The following LHFPL6 variants were observed in gnomAD, a reference collection of about 807,000 sequenced individuals.
The protein encoded by LHFPL6 is LHFPL tetraspan subfamily member 6 protein.
LHFPL6 carries 9 observed loss-of-function variants against 20.6 expected under a neutral mutation model. The ratio of observed to expected loss-of-function variants is 0.44; its 90% CI spans 0.26 to 0.76. LHFPL6 has a LOEUF of 0.76. LHFPL6 is among the 30% of genes least tolerant of loss of function. The probability of loss-of-function intolerance (pLI) is 0.20; values close to 1 mark genes in which losing one functional copy is unlikely to be tolerated. For synonymous variants in LHFPL6, 105 were observed against 98.7 expected, an observed-to-expected ratio of 1.06 and a Z score of -0.38; for missense variants, 218 against 253.5, an observed-to-expected ratio of 0.86 and a Z score of 0.95.
At chr13:39,492,773 T>C (rs534937110) in intron 2 of LHFPL6, among the ~76,000 whole-genome samples, 8 of 152,054 alleles carry the variant, frequency 5.3e-5, no homozygotes, top group Non-Finnish European at 1.2e-4. Flanking sequence ...CTCTGCCTCC[T>C]GGGTTCAAGT....
chr13:39,575,170 A>G (rs2138534225), intron 2 of LHFPL6, among the ~76,000 whole-genome samples: 1 of 152,284 alleles, frequency 6.6e-6, no homozygotes, highest in Non-Finnish European at 1.5e-5. Context: ...TGAAAACACA[A>G]TGATGACCAC....
At chr13:39,513,228 A>G (rs1205029775) in intron 2 of LHFPL6, among the ~76,000 whole-genome samples, 1 of 152,212 alleles carries the variant, frequency 6.6e-6, no homozygotes, top group East Asian at 1.9e-4. Flanking sequence ...TGTTCTTTTA[A>G]AACAGTTAAA....
intron 2 of LHFPL6, among the ~76,000 whole-genome samples, chr13:39,464,576 G>T (rs1020806386): frequency 6.6e-6 from 1 of 152,040 alleles, no homozygotes; most frequent in Non-Finnish European, 1.5e-5. Flanking sequence ...GCTCAAATCC[G>T]CACTTCTTTT....
intron 2 of LHFPL6, among the ~76,000 whole-genome samples, chr13:39,587,083 G>T (rs182190398): frequency 2.0e-4 from 31 of 152,068 alleles, no homozygotes; most frequent in Non-Finnish European, 4.0e-4. Context: ...CTTTAACCCA[G>T]GTGGCAGAGG....
chr13:39,494,248 A>C (rs1036307627), intron 2 of LHFPL6, among the ~76,000 whole-genome samples: 1 of 152,252 alleles, frequency 6.6e-6, no homozygotes, highest in African/African-American at 2.4e-5. Flanking sequence ...CATTTGCAGG[A>C]CTATTGCTAG....
At chr13:39,472,890 C>T (rs1434681817) in intron 2 of LHFPL6, among the ~76,000 whole-genome samples, 2 of 152,188 alleles carry the variant, frequency 1.3e-5, no homozygotes, top group African/African-American at 4.8e-5. Context: ...GGATTACAGG[C>T]GTGAGCCACC....
intron 2 of LHFPL6, among the ~76,000 whole-genome samples, chr13:39,581,770 A>C (rs967188329): frequency 6.6e-6 from 1 of 152,154 alleles, no homozygotes; most frequent in Non-Finnish European, 1.5e-5. Context: ...CTTCTCCATC[A>C]TCCTGGTCCA....
chr13:39,379,193 T>C (rs1566097843), intron 2 of LHFPL6, among the ~76,000 whole-genome samples: 1 of 152,244 alleles, frequency 6.6e-6, no homozygotes, highest in Non-Finnish European at 1.5e-5. Context: ...TGGTTTTCTC[T>C]TAATATAGAT....
intron 3 of LHFPL6, among the ~76,000 whole-genome samples, chr13:39,364,872 A>G (rs1301209564): frequency 6.6e-6 from 1 of 152,130 alleles, no homozygotes; most frequent in Non-Finnish European, 1.5e-5. Context: ...GCTGCTATCA[A>G]TCCTTGCTTC....
intron 3 of LHFPL6, among the ~76,000 whole-genome samples, chr13:39,346,497 C>A (rs1478143750): frequency 1.3e-5 from 2 of 152,156 alleles, no homozygotes; most frequent in African/African-American, 4.8e-5. Context: ...TCATTCTCAT[C>A]TTTCAGAAGG....
At chr13:39,396,308 A>G (rs758716536) in intron 2 of LHFPL6, among the ~76,000 whole-genome samples, 20 of 151,948 alleles carry the variant, frequency 1.3e-4, no homozygotes, top group African/African-American at 4.8e-4. Context: ...AATTTTGAAA[A>G]CTATCCTAAC....
chr13:39,566,731 T>TAAAAAAA (rs3035077), intron 2 of LHFPL6, among the ~76,000 whole-genome samples: 2 of 70,088 alleles, frequency 2.9e-5, no homozygotes, highest in Non-Finnish European at 5.1e-5. Flanking sequence ...AGACCCTGTC[T>TAAAAAAA]AAAAAAAAAA....
chr13:39,356,338 CAACAT>C (rs1869726281), intron 3 of LHFPL6, among the ~76,000 whole-genome samples: 1 of 152,032 alleles, frequency 6.6e-6, no homozygotes, highest in African/African-American at 2.4e-5. Context: ...AACAGAGACA[CAACAT>C]AACAAAATAT....
chr13:39,472,751 GAC>G (rs1872978823), intron 2 of LHFPL6, among the ~76,000 whole-genome samples: 1 of 151,992 alleles, frequency 6.6e-6, no homozygotes, highest in African/African-American at 2.4e-5. Context: ...TGGGATTACA[GAC>G]ACCCGACACC....
chr13:39,521,170 C>T (rs144835838), intron 2 of LHFPL6, among the ~76,000 whole-genome samples: 17 of 152,026 alleles, frequency 1.1e-4, no homozygotes, highest in African/African-American at 3.9e-4. Flanking sequence ...CAGATCATTC[C>T]GACAAATCAG....
intron 2 of LHFPL6, among the ~76,000 whole-genome samples, chr13:39,536,939 C>T (rs1331826993): frequency 6.6e-6 from 1 of 152,172 alleles, no homozygotes; most frequent in African/African-American, 2.4e-5. Context: ...CCTCTCTGTA[C>T]CTATTCTAAT....
chr13:39,439,094 T>C (rs887831790), intron 2 of LHFPL6, among the ~76,000 whole-genome samples: 9 of 152,084 alleles, frequency 5.9e-5, no homozygotes, highest in African/African-American at 2.2e-4. Flanking sequence ...CCACAAAGAC[T>C]CAATGGCAAA....
At chr13:39,552,102 G>T (rs993682808) in intron 2 of LHFPL6, among the ~76,000 whole-genome samples, 1 of 152,086 alleles carries the variant, frequency 6.6e-6, no homozygotes, top group Non-Finnish European at 1.5e-5. Flanking sequence ...TAACAAATCA[G>T]CACCCTCTGT....
At chr13:39,525,121 C>A (rs1474598254) in intron 2 of LHFPL6, among the ~76,000 whole-genome samples, 1 of 152,158 alleles carries the variant, frequency 6.6e-6, no homozygotes, top group African/African-American at 2.4e-5. Flanking sequence ...TACAAAGGAA[C>A]CAGAGAAGAC....
Sources: allele counts gnomAD v4.1 joint callset (sites outside exome capture counted in the v4.1 genomes callset), GRCh38; gene constraint gnomAD v4.1.1; transcripts MANE v1.5; gene names NCBI Gene and HGNC (gene_info 2026-07-23, HGNC 2026-07-21).